SPAG1: variants seen among roughly 807,000 people sequenced by gnomAD.
SPAG1 encodes the protein sperm associated antigen 1.
In SPAG1, 69 loss-of-function variants were observed where a neutral mutation model predicts 100.5. That is an observed-to-expected ratio of 0.69 (90% CI 0.57 to 0.84). The LOEUF (loss-of-function observed/expected upper bound fraction) is 0.84. SPAG1 is among the 40% of genes least tolerant of loss of function. The pLI is 0.00. For synonymous variants in SPAG1, 336 were observed against 411.6 expected (o/e 0.82, Z 2.22); for missense variants, 955 against 1,133.1 (o/e 0.84, Z 2.26).
intron 10 of SPAG1, among the ~76,000 whole-genome samples, chr8:100,208,424 C>T (rs1442693630): frequency 3.9e-5 from 6 of 152,164 alleles, no homozygotes; most frequent in Admixed American, 3.3e-4. Context: ...TAGCCCAACC[C>T]AGCCAGGACT....
intron 8 of SPAG1, among the ~76,000 whole-genome samples, 187 bp from the exon 9 acceptor site, chr8:100,191,203 G>A (rs182536327): frequency 6.6e-6 from 1 of 152,238 alleles, no homozygotes; most frequent in East Asian, 1.9e-4. Flanking sequence ...GCTGGCTGAT[G>A]TAGCCTCTTT....
chr8:100,212,884 G>A (rs1201168897), intron 10 of SPAG1, among the ~76,000 whole-genome samples: 1 of 91,686 alleles, frequency 1.1e-5, no homozygotes, highest in Non-Finnish European at 2.2e-5. Flanking sequence ...CGAGTCCTCA[G>A]GAAGCCGCAG....
At chr8:100,167,528 G>A (rs1815616672) in intron 3 of SPAG1, among the ~76,000 whole-genome samples, 1 of 152,118 alleles carries the variant, frequency 6.6e-6, no homozygotes, top group African/African-American at 2.4e-5. Flanking sequence ...TTTTTGGATG[G>A]CAGTTGACTG....
chr8:100,189,930 T>C (rs770721686), intron 8 of SPAG1, among the ~76,000 whole-genome samples: 1 of 152,242 alleles, frequency 6.6e-6, no homozygotes, highest in Non-Finnish European at 1.5e-5. Flanking sequence ...ATTTAGATTT[T>C]CATAGCTCAT....
chr8:100,165,483 G>C (rs963648440), intron 2 of SPAG1: 39 of 360,616 alleles, frequency 1.1e-4, no homozygotes, highest in Non-Finnish European at 1.9e-4. Flanking sequence ...ACATGGTGGC[G>C]CCGGGAGGAA....
chr8:100,212,940 G>A (rs1426118941), intron 10 of SPAG1, 150 bp from the exon 11 acceptor site: 2 of 566,478 alleles, frequency 3.5e-6, no homozygotes, highest in Non-Finnish European at 5.5e-6. Flanking sequence ...TAGAGGTCCG[G>A]CAGCACAGGC....
intron 10 of SPAG1, among the ~76,000 whole-genome samples, chr8:100,209,639 G>T (rs1817641308): frequency 6.6e-6 from 1 of 151,698 alleles, no homozygotes; most frequent in Admixed American, 6.6e-5. Flanking sequence ...GTCTTCCTAT[G>T]ATTACAGGAT....
chr8:100,199,098 GT>G (rs1735725175), intron 10 of SPAG1, among the ~76,000 whole-genome samples: 1 of 152,124 alleles, frequency 6.6e-6, no homozygotes, highest in Non-Finnish European at 1.5e-5. Context: ...ACAGATTTTT[GT>G]TTGAACAGAT....
chr8:100,186,267 C>T (rs1046336975), intron 7 of SPAG1, among the ~76,000 whole-genome samples: 3 of 151,874 alleles, frequency 2.0e-5, no homozygotes, highest in African/African-American at 7.3e-5. Flanking sequence ...GACAGGCTCT[C>T]ATGATGTTGC....
At chr8:100,207,759 G>T (rs1047047656) in intron 10 of SPAG1, among the ~76,000 whole-genome samples, 1 of 152,184 alleles carries the variant, frequency 6.6e-6, no homozygotes, top group South Asian at 2.1e-4. Flanking sequence ...TTTGACCAAG[G>T]CACTCACTTT....
chr8:100,240,643 T>G lies in SPAG1; in HGVS notation c.2521T>G (p.Leu841Val), dbSNP rs147114784. The stretch of plus-strand genomic sequence containing the variant: ...TGCACCAAAAGATTTGCCGATGTTT[T>G]TAAGTAACAAACTTGAAGGGGATAC... ...ITAPKDLPMF[L>V]SNKLEGDTFL... The change falls in exon 18 of 19, where the codon TTA (leucine) becomes GTA (valine). Residue 841 changes from leucine (L) to valine (V), a missense_variant. By Grantham distance (32) the Leu-to-Val change is conservative (BLOSUM62 1). Coordinates refer to ENST00000388798, the MANE Select transcript of SPAG1 (RefSeq NM_003114.5). The G allele has an allele frequency of 1.9e-6, 3 of 1,614,108 alleles. No individual in the cohort carries two copies. The African/African-American group carries it at 4.0e-5, about 22-fold the overall frequency.
At chr8:100,214,988 CATATATATATATATATATATAT>C (rs71274967) in intron 12 of SPAG1, among the ~76,000 whole-genome samples, 818 of 68,778 alleles carry the variant, frequency 0.012, 9 homozygotes, top group African/African-American at 0.016. Context: ...AAACTTTACT[CATATATATATATATATATATAT>C]ATATATATAT....
chr8:100,222,610 G>A (rs1818333610), intron 13 of SPAG1, among the ~76,000 whole-genome samples: 1 of 152,124 alleles, frequency 6.6e-6, no homozygotes, highest in Non-Finnish European at 1.5e-5. Flanking sequence ...ATGGAAAGTG[G>A]GGAGACACCG....
rs747044995 is a variant in SPAG1, at chr8:100,183,959, T to C, written c.492T>C (p.Phe164=). The part of the protein sequence containing the change: ...TPRDYAEWDK[F]DVEKECLKID... ...TTTTATTGTTCTTTCATTTAAGATTTGACGTGGAGAAGGAATGTTTAAAAA... is the reference window on the plus strand; with the variant it reads ...TTTTATTGTTCTTTCATTTAAGATTCGACGTGGAGAAGGAATGTTTAAAAA... The change falls in exon 6 of 19, where the codon TTT becomes TTC. Residue 164 remains phenylalanine, a synonymous_variant. Coordinates refer to ENST00000388798, the MANE Select transcript of SPAG1 (RefSeq NM_003114.5). 2 of 1,489,564 alleles carry C rather than the reference T, an allele frequency of 1.3e-6. No homozygotes were observed. Among genetic ancestry groups the C allele is most frequent in the Non-Finnish European group, 1.8e-6 (2 of 1,102,384 alleles). The allele number at this position is 1,489,564 out of a possible 1,614,324, so 92.3% of individuals were successfully genotyped here.
intron 2 of SPAG1, chr8:100,165,229 T>A: frequency 1.9e-6 from 1 of 517,484 alleles, no homozygotes; most frequent in South Asian, 1.4e-5. Context: ...TATTAACAAC[T>A]TCCATCACGA....
Position 100,187,286 on chromosome 8 carries a change from C to A in SPAG1, c.832+36C>A, listed in dbSNP as rs752914242. 1.4e-5 allele frequency: 21 copies of A among 1,536,142 alleles called. No homozygotes were observed. The Middle Eastern group carries it at 1.5e-3, about 110-fold the overall frequency. On this transcript the variant is annotated intron_variant, in intron 8 of 18. Coordinates refer to ENST00000388798, the MANE Select transcript of SPAG1 (RefSeq NM_003114.5). ...TTATAGAATTCTTTTACATTTACAGCAGGATCCATTAATAAAGACCATTTG... is the reference window on the plus strand; with the variant it reads ...TTATAGAATTCTTTTACATTTACAGAAGGATCCATTAATAAAGACCATTTG...
Position 100,239,281 on chromosome 8 carries a change from A to T in SPAG1, c.2157A>T (p.Leu719=), listed in dbSNP as rs1158533110. The change falls in exon 17 of 19, where the codon CTA becomes CTT. Residue 719 remains leucine (L), a synonymous_variant. Transcript: ENST00000388798. The surrounding 1 kb of genome is among the most constrained non-coding windows in gnomAD (Gnocchi z 5.0). ...KSLIDLNKVI[L]LDPSIIEAKM... ...TAATTGATCTCAATAAAGTTATCCTACTAGATCCAAGTATTATTGAGGCAA... is the reference window on the plus strand; with the variant it reads ...TAATTGATCTCAATAAAGTTATCCTTCTAGATCCAAGTATTATTGAGGCAA... 2 of 1,539,738 alleles carry T rather than the reference A, an allele frequency of 1.3e-6. No homozygotes were observed. The highest frequency in any genetic ancestry group is 1.7e-6 in the Non-Finnish European group (2 of 1,144,766).
At chr8:100,199,127 G>C (rs565557670) in intron 10 of SPAG1, among the ~76,000 whole-genome samples, 2 of 152,280 alleles carry the variant, frequency 1.3e-5, no homozygotes, top group Admixed American at 1.3e-4. Flanking sequence ...ATTTTCTTGT[G>C]CATTATTTTG....
At chr8:100,188,526 A>G (rs1314004041) in intron 8 of SPAG1, among the ~76,000 whole-genome samples, 3 of 152,180 alleles carry the variant, frequency 2.0e-5, no homozygotes, top group African/African-American at 7.2e-5. Flanking sequence ...AATTTGTCCA[A>G]AACTGACTCT....
Sources: allele counts gnomAD v4.1 joint callset (sites outside exome capture counted in the v4.1 genomes callset), GRCh38; gene constraint gnomAD v4.1.1; non-coding constraint Gnocchi (gnomAD v3.1); transcripts MANE v1.5; gene names NCBI Gene and HGNC (gene_info 2026-07-23, HGNC 2026-07-21).